The following ST7 variants were observed in gnomAD, a reference collection of about 807,000 sequenced individuals.
The protein encoded by ST7 is suppression of tumorigenicity 7.
ST7 carries 28 observed loss-of-function variants against 78.7 expected under a neutral mutation model. That is an observed-to-expected ratio of 0.36 (90% CI 0.26 to 0.49). ST7 has a LOEUF of 0.49. ST7 is among the 20% of genes least tolerant of loss of function. The pLI is 0.99. For synonymous variants in ST7, 247 were observed against 249.6 expected (o/e 0.99, Z 0.10); for missense variants, 418 against 696.0 (o/e 0.60, Z 4.49).
intron 3 of ST7, 147 bp from the exon 4 acceptor site, chr7:117,129,642 ACCAC>A: frequency 3.0e-6 from 2 of 676,382 alleles, no homozygotes; most frequent in South Asian, 1.8e-5. Context: ...TTTGTGATTA[ACCAC>A]CCAGAGTTTT....
chr7:116,995,319 G>A (rs1794603511), intron 1 of ST7, among the ~76,000 whole-genome samples: 1 of 152,134 alleles, frequency 6.6e-6, no homozygotes, highest in Non-Finnish European at 1.5e-5. Flanking sequence ...CCGTCCTAGG[G>A]TTGTTTTATG....
chr7:117,052,239 T>A (rs1052038033), intron 1 of ST7, among the ~76,000 whole-genome samples: 3 of 152,238 alleles, frequency 2.0e-5, no homozygotes, highest in African/African-American at 7.2e-5. Context: ...AGCATCATTC[T>A]CCTTTTTGTA....
intron 1 of ST7, among the ~76,000 whole-genome samples, chr7:117,005,739 A>T (rs531628676): frequency 1.3e-5 from 2 of 152,314 alleles, no homozygotes; most frequent in East Asian, 3.9e-4. Flanking sequence ...GCTTAAAAAA[A>T]TGTCCTGGGA....
At chr7:117,205,063 A>G (rs1182069429) in intron 12 of ST7, among the ~76,000 whole-genome samples, 2 of 152,136 alleles carry the variant, frequency 1.3e-5, no homozygotes, top group African/African-American at 2.4e-5. Context: ...GTGAGACCCC[A>G]TCCCTTAAAA....
intron 1 of ST7, among the ~76,000 whole-genome samples, chr7:117,079,501 G>T (rs1161532579): frequency 6.6e-6 from 1 of 152,050 alleles, no homozygotes; most frequent in East Asian, 1.9e-4. Flanking sequence ...TTTTCTCATT[G>T]GTTCTTTTAG....
rs1804990649 is a variant in ST7, at chr7:117,138,515, G to A, written c.946G>A (p.Val316Met). ...ARRLGRTREA[V>M]KMMRDLMKEF... ...AAGACTCGGGAGGACCAGGGAAGCAGTGAAAATGATGAGAGATGTGAGTTT... is the reference window on the plus strand; with the variant it reads ...AAGACTCGGGAGGACCAGGGAAGCAATGAAAATGATGAGAGATGTGAGTTT... Residue 316 changes from valine (V) to methionine (M), a missense_variant, in exon 9 of 16, where the codon GTG becomes ATG. Coordinates refer to ENST00000323984, the MANE Select transcript of ST7 (RefSeq NM_001369598.1). 3.1e-6 allele frequency: 5 copies of A among 1,604,854 alleles called. No homozygotes were observed. The highest frequency in any genetic ancestry group is 4.3e-6 in the Non-Finnish European group (5 of 1,174,964).
intron 4 of ST7, 112 bp downstream of exon 4, chr7:117,129,959 G>T: frequency 1.4e-6 from 1 of 720,470 alleles, no homozygotes; most frequent in African/African-American, 1.9e-5. Flanking sequence ...TATGTAGTGC[G>T]TCCATTTTTT....
At chr7:117,087,705 C>A (rs1331146870) in intron 1 of ST7, among the ~76,000 whole-genome samples, 2 of 152,198 alleles carry the variant, frequency 1.3e-5, no homozygotes, top group East Asian at 3.8e-4. Context: ...AATTTCCTTA[C>A]TATTCACTGT....
chr7:116,999,338 T>G (rs1321626777), intron 1 of ST7, among the ~76,000 whole-genome samples: 2 of 152,238 alleles, frequency 1.3e-5, no homozygotes, highest in African/African-American at 4.8e-5. Context: ...TTAAATACTT[T>G]TTCAGGAACT....
rs1810780259 is a variant in ST7 at position 117,200,873 on chromosome 7, C to T, written c.1255-8914C>T. 2.1e-5 allele frequency among the ~76,000 whole-genome samples: 3 copies of T among 144,350 alleles called. No homozygotes were observed. The South Asian group carries it at 6.6e-4, about 32-fold the overall frequency. The allele number at this position is 144,350 out of a possible 152,430, so 94.7% of individuals were successfully genotyped here. ...AGCTCATCTAATGTTAATCTAGAAA[C>T]TCTAATTTCATGGGGATTTCAAGAG... On this transcript the variant is annotated intron_variant, in intron 12 of 15. Transcript: ENST00000323984.
chr7:117,031,359 T>A, intron 1 of ST7, among the ~76,000 whole-genome samples: 1 of 132,280 alleles, frequency 7.6e-6, no homozygotes, highest in Non-Finnish European at 1.7e-5. Flanking sequence ...AATAAATGTG[T>A]GTGTGTGTGT....
chr7:117,171,389 C>T (rs941543519), intron 10 of ST7, among the ~76,000 whole-genome samples: 4 of 152,004 alleles, frequency 2.6e-5, no homozygotes, highest in Non-Finnish European at 4.4e-5. Context: ...TCACATTGAC[C>T]CTTTGGAGCA....
chr7:116,986,742 G>A (rs948182210), intron 1 of ST7, among the ~76,000 whole-genome samples: 1 of 152,210 alleles, frequency 6.6e-6, no homozygotes, highest in African/African-American at 2.4e-5. Context: ...TGGGTAGGTA[G>A]TTGGATATGT....
At chr7:117,094,943 T>C (rs1016757623) in intron 1 of ST7, among the ~76,000 whole-genome samples, 8 of 152,214 alleles carry the variant, frequency 5.3e-5, no homozygotes, top group Admixed American at 1.3e-4. Flanking sequence ...TTGCATGTCA[T>C]ATTTTAGCAA....
chr7:117,206,656 T>C (rs1791790166), intron 12 of ST7, among the ~76,000 whole-genome samples: 1 of 152,268 alleles, frequency 6.6e-6, no homozygotes, highest in Non-Finnish European at 1.5e-5. Context: ...GTATTATATG[T>C]AGATGCTCTG....
intron 1 of ST7, among the ~76,000 whole-genome samples, chr7:117,024,010 C>CACCATGTTGGCCAGGCTGGTCCTGA (rs1419186862): frequency 1.3e-5 from 2 of 152,068 alleles, no homozygotes; most frequent in African/African-American, 4.8e-5. Flanking sequence ...GATGCAGTTT[C>CACCATGTTGGCCAGGCTGGTCCTGA]ACCATGTTGG....
At chr7:117,132,324 A>C (rs1804426809) in intron 6 of ST7, among the ~76,000 whole-genome samples, 1 of 151,862 alleles carries the variant, frequency 6.6e-6, no homozygotes, top group Non-Finnish European at 1.5e-5. Context: ...TTCTAGTAGA[A>C]CTTCTGCTAG....
At position 117,170,858 on chromosome 7, in the gene ST7, C is replaced by G. The variant is rs1272873080; in HGVS notation, c.964-4C>G. 1.9e-6 allele frequency: 3 copies of G among 1,554,770 alleles called. No homozygotes were observed. Among genetic ancestry groups the G allele is most frequent in the South Asian group, 2.4e-5 (2 of 83,606 alleles). On this transcript the variant is annotated splice_polypyrimidine_tract_variant and splice_region_variant and intron_variant, in intron 9 of 15. Coordinates refer to ENST00000323984, the MANE Select transcript of ST7 (RefSeq NM_001369598.1). ...TAATTATTCCTTGGTTTCTTCTGCC[C>G]TAGTTAATGAAGGAGTTCCCCCTTC...
intron 1 of ST7, chr7:116,959,309 G>A: frequency 2.1e-6 from 1 of 468,546 alleles, no homozygotes; most frequent in South Asian, 1.6e-5. Flanking sequence ...TTATTTTGCT[G>A]TTTATGGCAT....
Sources: gnomAD v4.1 joint callset for allele counts (sites outside exome capture counted in the v4.1 genomes callset) on GRCh38, gnomAD v4.1.1 for gene constraint, MANE v1.5 for transcripts, NCBI Gene and HGNC (gene_info 2026-07-23, HGNC 2026-07-21) for gene names.